CTBP1: variants seen among roughly 807,000 people sequenced by gnomAD.
The protein encoded by CTBP1 is C-terminal-binding protein 1.
A neutral mutation model predicts 42.1 loss-of-function variants in CTBP1; 11 were observed. That is an observed-to-expected ratio of 0.26 (90% confidence interval 0.16 to 0.43). CTBP1 has a LOEUF of 0.43. CTBP1 is among the 20% of genes least tolerant of loss of function. CTBP1 has a pLI of 1.00. For missense variants in CTBP1, 399 were observed against 624.3 expected (o/e 0.64, Z 3.85); for synonymous variants, 324 against 277.1 (o/e 1.17, Z -1.68).
rs918903217 is a variant in CTBP1 at position 1,244,249 on chromosome 4, G to A, written c.-188-2730C>T. The A allele has an allele frequency of 3.2e-5, 32 of 985,050 alleles. No homozygotes were observed. In the South Asian group the frequency reaches 7.1e-4, roughly 22 times the overall value. 61.0% of individuals were successfully genotyped at this position (985,050 alleles called of 1,614,324 possible). On this transcript the variant is annotated intron_variant, in intron 1 of 9. Coordinates refer to ENST00000382952, the MANE Select transcript of CTBP1 (RefSeq NM_001012614.2). ...CCGATCCACGTGTGTGCTGGGCATC[G>A]GTCCATTCTGGTCTGGAGAGGGACC...
chr4:1,212,456 C>T (rs1246935061), intron 9 of CTBP1, 33 bp from the exon 10 acceptor site: 4 of 1,406,592 alleles, frequency 2.8e-6, no homozygotes, highest in African/African-American at 1.5e-5. Flanking sequence ...TGAGGCCCAC[C>T]TGTAGGCGGC....
intron 3 of CTBP1, among the ~76,000 whole-genome samples, chr4:1,231,608 G>A (rs780916925): frequency 6.6e-6 from 1 of 152,236 alleles, no homozygotes; most frequent in Non-Finnish European, 1.5e-5. Context: ...ACCTGCTTCT[G>A]TGCTCAGGAC....
At position 1,238,922 on chromosome 4, in the gene CTBP1, T is replaced by C. The variant is rs550326201; in HGVS notation, c.8-585A>G. On this transcript the variant is annotated intron_variant, in intron 2 of 9. Coordinates refer to ENST00000382952, the MANE Select transcript of CTBP1 (RefSeq NM_001012614.2). The surrounding 1 kb of genome is among the most constrained non-coding windows in gnomAD (Gnocchi z 5.9). Reference sequence around the variant, plus strand: ...ATGACAGCACGGGACTTTGGGAACATGGTTGTCCCTTTCCTGCCTGGGCTA... The same window carrying C: ...ATGACAGCACGGGACTTTGGGAACACGGTTGTCCCTTTCCTGCCTGGGCTA... Among the ~76,000 whole-genome samples, 11 of 152,198 alleles carry C rather than the reference T, an allele frequency of 7.2e-5. No individual in the cohort carries two copies. The East Asian group carries it at 2.1e-3, about 29-fold the overall frequency.
intron 5 of CTBP1, among the ~76,000 whole-genome samples, chr4:1,224,292 T>C (rs534823132): frequency 2.0e-5 from 3 of 152,292 alleles, no homozygotes; most frequent in South Asian, 4.1e-4. Flanking sequence ...GACATCTGTA[T>C]GTCCCCGTGC....
intron 1 of CTBP1, chr4:1,242,588 G>A (rs1732292151): frequency 1.0e-6 from 1 of 985,440 alleles, no homozygotes; most frequent in Non-Finnish European, 1.2e-6. Flanking sequence ...CCATCACAGG[G>A]GCTGGGGTGC....
At chr4:1,248,456 AGC>A (rs1236101093) in intron 1 of CTBP1, among the ~76,000 whole-genome samples, 3 of 148,550 alleles carry the variant, frequency 2.0e-5, no homozygotes, top group African/African-American at 7.4e-5. Flanking sequence ...GTGGCCCGGG[AGC>A]GCGCGCCCCA....
chr4:1,213,174 C>T (rs1046743377), intron 8 of CTBP1, 144 bp from the exon 9 acceptor site: 76 of 796,484 alleles, frequency 9.5e-5, no homozygotes, highest in South Asian at 8.6e-4. Flanking sequence ...ACGGCAGGGT[C>T]CTGTCTCTCT....
At chr4:1,239,746 C>T (rs1045251994) in intron 2 of CTBP1, among the ~76,000 whole-genome samples, 7 of 152,376 alleles carry the variant, frequency 4.6e-5, no homozygotes, top group Admixed American at 1.3e-4. Flanking sequence ...GAGGTCCTCG[C>T]GCCCTGGCGT....
In CTBP1 at chr4:1,236,179, T is replaced by C. The variant is rs566421423; in HGVS notation, c.162+2004A>G. ...GCCTCTCCAGGCTGCAGCCTGGGCC[T>C]GGCCCTATCCTGTGAGCTCCTGGGG... On this transcript the variant is annotated intron_variant, in intron 3 of 9. Transcript: ENST00000382952. 280 of 162,916 alleles carry C rather than the reference T, an allele frequency of 1.7e-3. 2 individuals carry two copies. The highest frequency in any genetic ancestry group is 3.1e-3 in the Non-Finnish European group (234 of 74,480). 10.1% of individuals were successfully genotyped at this position (162,916 alleles called of 1,614,324 possible). A position where few individuals can be genotyped will look rare whatever the true frequency, so the allele number is the denominator to read the frequency against.
At chr4:1,223,724 A>C (rs1425354921) in intron 5 of CTBP1, among the ~76,000 whole-genome samples, 1 of 151,626 alleles carries the variant, frequency 6.6e-6, no homozygotes, top group Non-Finnish European at 1.5e-5. Context: ...CCCCGCCCAG[A>C]TGCTCCCCCT....
chr4:1,249,716 CG>C (rs1388873826), upstream of CTBP1: 4 of 399,676 alleles, frequency 1.0e-5, no homozygotes, highest in Admixed American at 2.8e-5. Context: ...CGTCCCCAGG[CG>C]GGGGAGCCCC....
chr4:1,224,938 C>CTG (rs1730164538), intron 5 of CTBP1, among the ~76,000 whole-genome samples: 1 of 151,182 alleles, frequency 6.6e-6, no homozygotes, highest in African/African-American at 2.4e-5. Context: ...GCCATGATGT[C>CTG]TGTGTGAGGC....
intron 4 of CTBP1, among the ~76,000 whole-genome samples, chr4:1,227,945 C>G (rs145484187): frequency 1.3e-4 from 20 of 152,358 alleles, no homozygotes; most frequent in Middle Eastern, 3.4e-3. Context: ...GCCAGACATG[C>G]ATGCAGACCT....
rs567356733 is a variant in CTBP1, at chr4:1,248,372, C to T, written c.-189+544G>A. Among the ~76,000 whole-genome samples the T allele has an allele frequency of 6.1e-4, 93 of 151,712 alleles. 1 individual carries two copies. The South Asian group carries it at 0.018, about 29-fold the overall frequency. Reference sequence around the variant, plus strand: ...CCTCCACGGTCATACCCGGCACCCGCGCCCCGTCCCCTTCCCCCACAGCGC... The same window carrying T: ...CCTCCACGGTCATACCCGGCACCCGTGCCCCGTCCCCTTCCCCCACAGCGC... On this transcript the variant is annotated intron_variant, in intron 1 of 9. Coordinates refer to ENST00000382952, the MANE Select transcript of CTBP1 (RefSeq NM_001012614.2).
At chr4:1,223,586 G>T in intron 5 of CTBP1, 1 of 435,862 alleles carries the variant, frequency 2.3e-6, no homozygotes, top group South Asian at 1.6e-5. Flanking sequence ...GCATCCCCAT[G>T]GGGCCTCCTG....
chr4:1,213,990 C>T (rs1728827656), intron 7 of CTBP1: 4 of 402,096 alleles, frequency 9.9e-6, no homozygotes, highest in East Asian at 4.7e-5. Context: ...TGCCTGGGGT[C>T]CCAAGGTGCT....
rs1156491147 is a variant in CTBP1, at chr4:1,233,983, C to A, written c.162+4200G>T. 6.6e-6 allele frequency among the ~76,000 whole-genome samples: 1 copy of A among 152,228 alleles called. No individual in the cohort carries two copies. Among genetic ancestry groups the A allele is most frequent in the Non-Finnish European group, 1.5e-5 (1 of 68,046 alleles). ...TGCCTTGTTGCTCCACGGTTCCCAGCACGTGGCTCCCCTCACAGTCCAAGG... is the reference window on the plus strand; with the variant it reads ...TGCCTTGTTGCTCCACGGTTCCCAGAACGTGGCTCCCCTCACAGTCCAAGG... On this transcript the variant is annotated intron_variant, in intron 3 of 9. Coordinates refer to ENST00000382952, the MANE Select transcript of CTBP1 (RefSeq NM_001012614.2). The surrounding 1 kb of genome is among the most constrained non-coding windows in gnomAD (Gnocchi z 4.6).
intron 3 of CTBP1, among the ~76,000 whole-genome samples, chr4:1,230,593 C>T (rs573785144): frequency 1.3e-5 from 2 of 152,160 alleles, no homozygotes; most frequent in East Asian, 1.9e-4. Flanking sequence ...TGCAGAGGCT[C>T]GGCATGGACA....
At chr4:1,242,167 C>T (rs1732246099) in intron 1 of CTBP1, 1 of 985,438 alleles carries the variant, frequency 1.0e-6, no homozygotes, top group Non-Finnish European at 1.2e-6. Flanking sequence ...GCTGAGGGCA[C>T]GAACCCCAGT....
Sources: gnomAD v4.1 joint callset for allele counts (sites outside exome capture counted in the v4.1 genomes callset) on GRCh38, gnomAD v4.1.1 for gene constraint, Gnocchi (gnomAD v3.1) non-coding constraint, MANE v1.5 for transcripts, NCBI Gene and HGNC (gene_info 2026-07-23, HGNC 2026-07-21) for gene names.